The following RBFOX3 variants were observed in gnomAD, a reference collection of about 807,000 sequenced individuals.
The protein encoded by RBFOX3 is RNA binding fox-1 homolog 3, also known as RNA binding protein fox-1 homolog 3.
Under a neutral mutation model 48.7 loss-of-function variants are expected in RBFOX3, and 17 were observed. The observed-to-expected ratio is 0.35, with a 90% CI of 0.24 to 0.52. The LOEUF (loss-of-function observed/expected upper bound fraction) is 0.52, where lower values mean the gene tolerates loss of function less well. Among genes scored for constraint, RBFOX3 ranks in the 20% least tolerant of loss-of-function variants. The pLI is 0.94. For missense variants in RBFOX3, 382 were observed against 497.5 expected (o/e 0.77, Z 2.21); for synonymous variants, 212 against 209.5 (o/e 1.01, Z -0.10).
intron 2 of RBFOX3, among the ~76,000 whole-genome samples, chr17:79,315,685 G>A (rs1333896911): frequency 1.3e-5 from 2 of 152,244 alleles, no homozygotes; most frequent in Admixed American, 6.5e-5. Context: ...CTCTGTGGTC[G>A]ACAGCGACAG....
intron 1 of RBFOX3, among the ~76,000 whole-genome samples, chr17:79,536,138 G>A (rs560827310): frequency 4.0e-5 from 6 of 151,652 alleles, no homozygotes; most frequent in East Asian, 2.0e-4. Flanking sequence ...GTGCAGTGGC[G>A]TGATCTCAGC....
intron 1 of RBFOX3, among the ~76,000 whole-genome samples, chr17:79,593,765 C>T (rs1308670599): frequency 1.3e-5 from 2 of 152,204 alleles, no homozygotes; most frequent in Admixed American, 1.3e-4. Flanking sequence ...ACACTGGGCA[C>T]CAGTTCAGGC....
At chr17:79,227,833 C>A (rs2060499794) in intron 4 of RBFOX3, among the ~76,000 whole-genome samples, 2 of 152,200 alleles carry the variant, frequency 1.3e-5, no homozygotes, top group Non-Finnish European at 2.9e-5. Flanking sequence ...AATGCCAAGG[C>A]CAGCGAGGTC....
chr17:79,561,849 A>C (rs2092242933), intron 1 of RBFOX3, among the ~76,000 whole-genome samples: 2 of 152,144 alleles, frequency 1.3e-5, no homozygotes, highest in African/African-American at 4.8e-5. Flanking sequence ...TCTGGTGGGG[A>C]CGGGCAGGAA....
At chr17:79,652,803 A>G in the RBFOX3 span, among the ~76,000 whole-genome samples, 1 of 152,218 alleles carries the variant, frequency 6.6e-6, no homozygotes. Context: ...AAAATTATCA[A>G]AGAAATAATA....
At chr17:79,173,933 G>C (rs1483453449) in intron 4 of RBFOX3, among the ~76,000 whole-genome samples, 2 of 149,798 alleles carry the variant, frequency 1.3e-5, no homozygotes, top group African/African-American at 4.9e-5. Context: ...GGGGGTGGGG[G>C]TGTCAGCGAC....
At chr17:79,091,704 C>T (rs2073945653) in intron 14 of RBFOX3, among the ~76,000 whole-genome samples, 1 of 152,172 alleles carries the variant, frequency 6.6e-6, no homozygotes, top group Admixed American at 6.5e-5. Flanking sequence ...CCGGAATATA[C>T]CCCAATAAAG....
intron 2 of RBFOX3, among the ~76,000 whole-genome samples, chr17:79,369,514 A>G (rs1248944022): frequency 6.6e-6 from 1 of 151,916 alleles, no homozygotes; most frequent in African/African-American, 2.4e-5. Context: ...GGCATACACA[A>G]GGCGCCTCCT....
intron 2 of RBFOX3, among the ~76,000 whole-genome samples, chr17:79,350,768 A>AGGCAGGGCGGCC (rs2083770662): frequency 6.6e-6 from 1 of 152,222 alleles, no homozygotes; most frequent in African/African-American, 2.4e-5. Flanking sequence ...GACAGGGCTC[A>AGGCAGGGCGGCC]GGCAGGGCGG....
intron 2 of RBFOX3, among the ~76,000 whole-genome samples, chr17:79,326,395 C>T (rs1252350490): frequency 1.3e-5 from 2 of 152,228 alleles, no homozygotes; most frequent in African/African-American, 4.8e-5. Context: ...ATATCTGGTT[C>T]TTCCTGGTCG....
intron 2 of RBFOX3, among the ~76,000 whole-genome samples, chr17:79,388,391 T>C (rs1047285847): frequency 1.3e-5 from 2 of 152,156 alleles, no homozygotes; most frequent in African/African-American, 4.8e-5. Context: ...GGGAGCTTTG[T>C]CAAGGGTTAC....
chr17:79,158,957 C>T (rs1003852057), intron 4 of RBFOX3, among the ~76,000 whole-genome samples: 5 of 152,178 alleles, frequency 3.3e-5, no homozygotes, highest in East Asian at 3.9e-4. Context: ...AAGCCCCAAC[C>T]GACACTGCTT....
chr17:79,541,371 G>C (rs1428855447), intron 1 of RBFOX3, among the ~76,000 whole-genome samples: 3 of 152,208 alleles, frequency 2.0e-5, no homozygotes, highest in Non-Finnish European at 4.4e-5. Flanking sequence ...CAGCTTAACA[G>C]GGAGCGTGGA....
the RBFOX3 span, among the ~76,000 whole-genome samples, chr17:79,627,432 G>A: frequency 6.6e-6 from 1 of 152,320 alleles, no homozygotes; most frequent in East Asian, 1.9e-4. Flanking sequence ...GCCGGGCTCA[G>A]CTCTGCCTGC....
intron 2 of RBFOX3, among the ~76,000 whole-genome samples, chr17:79,464,666 A>G (rs2076077209): frequency 6.6e-6 from 1 of 152,260 alleles, no homozygotes; most frequent in East Asian, 1.9e-4. Context: ...GGAAAAAAGA[A>G]AAAGAAGGAG....
the RBFOX3 span, among the ~76,000 whole-genome samples, chr17:79,632,263 G>T: frequency 6.6e-6 from 1 of 152,098 alleles, no homozygotes; most frequent in Non-Finnish European, 1.5e-5. Context: ...CCATCACCTG[G>T]GTCTGCATTA....
Position 79,421,555 on chromosome 17 carries a change from A to G in RBFOX3, c.-175+60899T>C, listed in dbSNP as rs1430774338. Among the ~76,000 whole-genome samples, 1 of 152,134 alleles carries G rather than the reference A, an allele frequency of 6.6e-6. No individual in the cohort carries two copies. The highest frequency in any genetic ancestry group is 1.5e-5 in the Non-Finnish European group (1 of 68,018). ...TCACCTGGACAGGAGGCGAGGCTCAAATGACCCATGCTGGCATTGGGTGAC... is the reference window on the plus strand; with the variant it reads ...TCACCTGGACAGGAGGCGAGGCTCAGATGACCCATGCTGGCATTGGGTGAC... On this transcript the variant is annotated intron_variant, in intron 2 of 14. Coordinates refer to ENST00000693108, the MANE Select transcript of RBFOX3 (RefSeq NM_001350451.2). This position sits in a 1 kb window ranked among gnomAD's most constrained non-coding sequence, Gnocchi z 4.5.
chr17:79,380,596 G>A (rs1209506548), intron 2 of RBFOX3, among the ~76,000 whole-genome samples: 1 of 152,174 alleles, frequency 6.6e-6, no homozygotes, highest in Non-Finnish European at 1.5e-5. Context: ...TTTGTCCTTT[G>A]GAAATGGGAG....
chr17:79,581,282 C>T (rs2093050529), intron 1 of RBFOX3, among the ~76,000 whole-genome samples: 1 of 151,870 alleles, frequency 6.6e-6, no homozygotes, highest in African/African-American at 2.4e-5. Flanking sequence ...AACAAACAAA[C>T]CAAAAAAAAA....
Sources: gnomAD v4.1 joint callset for allele counts (sites outside exome capture counted in the v4.1 genomes callset) on GRCh38, gnomAD v4.1.1 for gene constraint, Gnocchi (gnomAD v3.1) non-coding constraint, MANE v1.5 for transcripts, NCBI Gene and HGNC (gene_info 2026-07-23, HGNC 2026-07-21) for gene names.